SLCO3A1: variants seen among roughly 807,000 people sequenced by gnomAD.
The protein encoded by SLCO3A1 is solute carrier organic anion transporter family member 3A1.
In SLCO3A1, 27 loss-of-function variants were observed where a neutral mutation model predicts 63.1. The observed-to-expected ratio is 0.43, with a 90% confidence interval of 0.32 to 0.59. The LOEUF is 0.59. SLCO3A1 is among the 20% of genes least tolerant of loss of function. SLCO3A1 has a pLI of 0.09. For missense variants in SLCO3A1, 773 were observed against 945.8 expected (o/e 0.82, Z 2.40); for synonymous variants, 473 against 409.9 (o/e 1.15, Z -1.86).
At chr15:92,018,865 C>A (rs1452287710) in intron 2 of SLCO3A1, among the ~76,000 whole-genome samples, 1 of 152,146 alleles carries the variant, frequency 6.6e-6, no homozygotes, top group African/African-American at 2.4e-5. Flanking sequence ...AGCTGGGTGA[C>A]CCTCAGTTAC....
rs533356160 is a variant in SLCO3A1 at position 91,997,921 on chromosome 15, C to G, written c.646+81463C>G. ...CTATAAGAATCCTAGGGAAAGAAAC[C>G]TAGGAAACACCACTCAGAATATCAG... On this transcript the variant is annotated intron_variant, in intron 2 of 9. Transcript: ENST00000318445. Among the ~76,000 whole-genome samples the G allele has an allele frequency of 2.6e-5, 4 of 152,074 alleles. No homozygotes were observed. In the South Asian group the frequency reaches 6.2e-4, roughly 24 times the overall value.
At chr15:92,117,147 T>C (rs2047805221) in intron 4 of SLCO3A1, among the ~76,000 whole-genome samples, 1 of 152,354 alleles carries the variant, frequency 6.6e-6, no homozygotes, top group African/African-American at 2.4e-5. Context: ...GAGTTGCCTT[T>C]GTTGAACAGT....
chr15:92,008,920 T>C (rs1000627228), intron 2 of SLCO3A1, among the ~76,000 whole-genome samples: 1 of 152,208 alleles, frequency 6.6e-6, no homozygotes, highest in Non-Finnish European at 1.5e-5. Flanking sequence ...ATATTTCAGC[T>C]AGGAAACTCT....
At chr15:92,078,525 G>C (rs1045316998) in intron 2 of SLCO3A1, among the ~76,000 whole-genome samples, 2 of 152,206 alleles carry the variant, frequency 1.3e-5, no homozygotes, top group African/African-American at 4.8e-5. Flanking sequence ...GACTCTTCTT[G>C]TTTGCAAGGG....
intron 2 of SLCO3A1, among the ~76,000 whole-genome samples, chr15:91,976,187 C>T (rs1462909068): frequency 6.6e-6 from 1 of 152,094 alleles, no homozygotes. Context: ...CCAAACTGTA[C>T]TGGGGAGAAG....
intron 1 of SLCO3A1, among the ~76,000 whole-genome samples, chr15:91,873,577 C>G (rs1286597055): frequency 1.3e-5 from 2 of 151,320 alleles, no homozygotes; most frequent in African/African-American, 4.9e-5. Flanking sequence ...TACATACATA[C>G]ATACTTTATT....
chr15:92,063,860 CAA>C (rs1399366589), intron 2 of SLCO3A1, among the ~76,000 whole-genome samples: 1 of 149,098 alleles, frequency 6.7e-6, no homozygotes, highest in African/African-American at 2.5e-5. Flanking sequence ...AAAAAGCAAA[CAA>C]ACAAAAAAAT....
chr15:92,147,260 C>G lies in SLCO3A1; in HGVS notation c.1688+101C>G. 3.2e-6 allele frequency: 4 copies of G among 1,237,674 alleles called. 1 individual carries two copies. In the South Asian group the frequency reaches 5.8e-5, roughly 18 times the overall value. The allele number at this position is 1,237,674 out of a possible 1,614,324, so 76.7% of individuals were successfully genotyped here. A position where few individuals can be genotyped will look rare whatever the true frequency, so the allele number is the denominator to read the frequency against. On this transcript the variant is annotated intron_variant, in intron 8 of 9. Coordinates refer to ENST00000318445, the MANE Select transcript of SLCO3A1 (RefSeq NM_013272.4). ...TTCAGACAACAGGAATCTCTCGAAC[C>G]AGGTGAGCTAGGGCCACAGCAAGGA... is the stretch of plus-strand genomic sequence containing the variant.
At chr15:91,911,026 A>AG (rs2151376454) in intron 1 of SLCO3A1, among the ~76,000 whole-genome samples, 2 of 152,318 alleles carry the variant, frequency 1.3e-5, no homozygotes, top group Non-Finnish European at 2.9e-5. Context: ...CACCTTTTGA[A>AG]GGTGAGGATG....
intron 8 of SLCO3A1, chr15:92,148,865 A>T (rs938006756): frequency 2.0e-5 from 3 of 152,282 alleles, no homozygotes; most frequent in Non-Finnish European, 4.4e-5. Context: ...AATTCTTAAG[A>T]ATGTGAAAGT....
intron 2 of SLCO3A1, among the ~76,000 whole-genome samples, chr15:91,932,863 T>C (rs6496875): frequency 0.69 from 105,697 of 152,122 alleles, 36,982 homozygotes; most frequent in East Asian, 0.91. Context: ...GATCTTTAAT[T>C]GGTGACAATG....
intron 2 of SLCO3A1, among the ~76,000 whole-genome samples, chr15:91,981,589 A>AACATTTATC (rs1220842075): frequency 2.6e-5 from 4 of 152,170 alleles, no homozygotes; most frequent in African/African-American, 9.7e-5. Context: ...TGGTGATCGT[A>AACATTTATC]ACATTTATCA....
chr15:92,126,431 A>T (rs2047924760), intron 6 of SLCO3A1, among the ~76,000 whole-genome samples, 172 bp downstream of exon 6: 1 of 152,172 alleles, frequency 6.6e-6, no homozygotes, highest in African/African-American at 2.4e-5. Context: ...CTCTGGGCTG[A>T]GAAAGCAGAC....
At chr15:91,947,186 C>T (rs915812101) in intron 2 of SLCO3A1, among the ~76,000 whole-genome samples, 8 of 152,202 alleles carry the variant, frequency 5.3e-5, no homozygotes, top group African/African-American at 1.9e-4. Flanking sequence ...CATGCTTGCC[C>T]CTTCTGGGAC....
intron 2 of SLCO3A1, among the ~76,000 whole-genome samples, chr15:92,074,965 T>C (rs1284698343): frequency 1.3e-5 from 2 of 152,118 alleles, no homozygotes; most frequent in Admixed American, 6.5e-5. Context: ...TTGAGAAAGT[T>C]TTGGCAGTTT....
At position 92,050,745 on chromosome 15, in the gene SLCO3A1, G is replaced by A. The variant is rs186944253; in HGVS notation, c.647-44136G>A. 1.3e-3 allele frequency among the ~76,000 whole-genome samples: 202 copies of A among 152,228 alleles called. 1 individual carries two copies. The highest frequency in any genetic ancestry group is 4.7e-3 in the African/African-American group (196 of 41,536). On this transcript the variant is annotated intron_variant, in intron 2 of 9. Coordinates refer to ENST00000318445, the MANE Select transcript of SLCO3A1 (RefSeq NM_013272.4). ...CGTCCCTGCTTAAAATGTTTTGGTG[G>A]CTTCCTGTTCCACATAGGATAGAAC...
chr15:92,017,283 A>AT (rs1010203713), intron 2 of SLCO3A1, among the ~76,000 whole-genome samples: 1 of 143,786 alleles, frequency 7.0e-6, no homozygotes, highest in South Asian at 2.1e-4. Context: ...AGGAGCTGGG[A>AT]TTGGGGGGGG....
chr15:91,980,273 C>A (rs1339681449), intron 2 of SLCO3A1, among the ~76,000 whole-genome samples: 3 of 152,026 alleles, frequency 2.0e-5, no homozygotes, highest in African/African-American at 7.2e-5. Context: ...CTTCTTTATT[C>A]ATTCGCTTCA....
At chr15:92,029,880 G>C (rs1330027266) in intron 2 of SLCO3A1, among the ~76,000 whole-genome samples, 1 of 147,154 alleles carries the variant, frequency 6.8e-6, no homozygotes, top group Non-Finnish European at 1.5e-5. Context: ...ATTCAATCAG[G>C]CACCTTCTTG....
Sources: gnomAD v4.1 joint callset for allele counts (sites outside exome capture counted in the v4.1 genomes callset) on GRCh38, gnomAD v4.1.1 for gene constraint, MANE v1.5 for transcripts, NCBI Gene and HGNC (gene_info 2026-07-23, HGNC 2026-07-21) for gene names.